ZNF292: variants seen among roughly 807,000 people sequenced by gnomAD.
The protein encoded by ZNF292 is zinc finger protein 292, also known as 16 zinc-finger domain protein.
Under a neutral mutation model 217.9 loss-of-function variants are expected in ZNF292, and 26 were observed. The observed-to-expected ratio is 0.12, with a 90% CI of 0.09 to 0.17. The LOEUF is 0.17. ZNF292 is among the 10% of genes least tolerant of loss of function. The pLI, the probability that ZNF292 is intolerant of heterozygous loss-of-function variation, is 1.00. For missense variants in ZNF292, 2,904 were observed against 3,175.2 expected (o/e 0.91, Z 2.05); for synonymous variants, 1,257 against 1,124.1 (o/e 1.12, Z -2.37).
intron 5 of ZNF292, among the ~76,000 whole-genome samples, chr6:87,236,969 A>G (rs1048420680): frequency 1.3e-5 from 2 of 152,152 alleles, no homozygotes; most frequent in African/African-American, 4.8e-5. Flanking sequence ...TGGTAGGGTA[A>G]ATTTCTGGAA....
chr6:87,172,021 C>T (rs1481080063), intron 1 of ZNF292, among the ~76,000 whole-genome samples: 2 of 152,180 alleles, frequency 1.3e-5, no homozygotes, highest in Admixed American at 6.5e-5. Flanking sequence ...TATCTGTTTG[C>T]AAATACTAAC....
chr6:87,261,234 G>A lies in ZNF292; in HGVS notation c.7605G>A (p.Lys2535=). The A allele has an allele frequency of 1.9e-6, 3 of 1,609,484 alleles. No homozygotes were observed. Among genetic ancestry groups the A allele is most frequent in the Non-Finnish European group, 2.5e-6 (3 of 1,178,704 alleles). The change falls in exon 8 of 8, where the codon AAG becomes AAA. Residue 2535 remains lysine (K), a synonymous_variant. Coordinates refer to ENST00000369577, the MANE Select transcript of ZNF292 (RefSeq NM_015021.3). ...QKASNLKRVN[K]EKNVSQNKKR... Reference sequence around the variant, plus strand: ...CAAGTAATTTGAAGAGAGTTAATAAGGAAAAAAATGTCTCACAAAATAAAA... The same window carrying A: ...CAAGTAATTTGAAGAGAGTTAATAAAGAAAAAAATGTCTCACAAAATAAAA...
intron 1 of ZNF292, among the ~76,000 whole-genome samples, chr6:87,201,528 C>G (rs527751960): frequency 7.2e-4 from 109 of 152,250 alleles, no homozygotes; most frequent in African/African-American, 2.6e-3. Context: ...CCTCAGCTTC[C>G]CGAGTGGCTG....
chr6:87,256,912 G>A lies in ZNF292; in HGVS notation c.3283G>A (p.Val1095Ile), dbSNP rs768827609. The change falls in exon 8 of 8, where the codon GTT becomes ATT. Residue 1095 changes from valine (V) to isoleucine (I), a missense_variant. Val to Ile is a conservative substitution (Grantham distance 29, BLOSUM62 3). Around this residue, in one of 15 missense-constraint regions of ZNF292, gnomAD observed 687 missense variants for 623.0 expected, o/e 1.10. Coordinates refer to ENST00000369577, the MANE Select transcript of ZNF292 (RefSeq NM_015021.3). ...GTPSVPPKAPVQKFSCQVEGC... is the reference protein window; with the variant it reads ...GTPSVPPKAPIQKFSCQVEGC... ...TCCATCAGTGCCTCCAAAAGCTCCA[G>A]TTCAGAAATTCAGCTGCCAGGTCGA... The A allele has an allele frequency of 1.2e-6, 2 of 1,613,822 alleles. No individual in the cohort carries two copies. Among genetic ancestry groups the A allele is most frequent in the South Asian group, 2.2e-5 (2 of 91,082 alleles).
At chr6:87,230,691 G>A (rs1445680541) in intron 4 of ZNF292, among the ~76,000 whole-genome samples, 8 of 150,726 alleles carry the variant, frequency 5.3e-5, no homozygotes, top group African/African-American at 1.2e-4. Context: ...CCGAGATTGC[G>A]CCACTGCACT....
chr6:87,239,757 C>T (rs370589742), intron 5 of ZNF292, among the ~76,000 whole-genome samples: 4 of 138,748 alleles, frequency 2.9e-5, no homozygotes, highest in Admixed American at 7.2e-5. Context: ...CCAGATGGGG[C>T]GGTGGGGCAG....
chr6:87,244,828 A>T (rs1028449055), intron 6 of ZNF292, among the ~76,000 whole-genome samples: 2 of 151,594 alleles, frequency 1.3e-5, no homozygotes, highest in South Asian at 2.1e-4. Flanking sequence ...GATTTTTTTT[A>T]TATATATATT....
Position 87,233,363 on chromosome 6 carries a change from G to A in ZNF292, c.577G>A (p.Asp193Asn), listed in dbSNP as rs775825086. The A allele has an allele frequency of 6.2e-7, 1 of 1,612,594 alleles. No individual in the cohort carries two copies. Among genetic ancestry groups the A allele is most frequent in the Non-Finnish European group, 8.5e-7 (1 of 1,179,346 alleles). The change falls in exon 5 of 8, where the codon GAT (aspartate) becomes AAT (asparagine). Residue 193 changes from aspartate to asparagine, a missense_variant. Physicochemically the swap from Asp to Asn is conservative, Grantham distance 23 (BLOSUM62 1). Around this residue, in one of 15 missense-constraint regions of ZNF292, gnomAD observed 313 missense variants for 451.0 expected, o/e 0.69. Transcript: ENST00000369577. ...FLAFEGPILL[D>N]MRIKHLIKTN... ...AGCTTTTGAGGGTCCCATCTTGTTGGATATGAGAATTAAACATCTAATCAA... is the reference window on the plus strand; with the variant it reads ...AGCTTTTGAGGGTCCCATCTTGTTGAATATGAGAATTAAACATCTAATCAA...
At chr6:87,214,547 A>T (rs1035071219) in intron 1 of ZNF292, among the ~76,000 whole-genome samples, 6 of 152,092 alleles carry the variant, frequency 3.9e-5, no homozygotes, top group Non-Finnish European at 8.8e-5. Context: ...ACGTTTTTCC[A>T]CTTCAACTTT....
At chr6:87,225,203 GGTT>G (rs756168361) in intron 4 of ZNF292, among the ~76,000 whole-genome samples, 6 of 152,030 alleles carry the variant, frequency 3.9e-5, no homozygotes, top group Admixed American at 2.0e-4. Context: ...TTCTTAATTG[GGTT>G]GTTTGTTTTC....
At chr6:87,232,245 C>A (rs1050654427) in intron 4 of ZNF292, among the ~76,000 whole-genome samples, 1 of 152,048 alleles carries the variant, frequency 6.6e-6, no homozygotes, top group African/African-American at 2.4e-5. Context: ...ATAGAAGAAT[C>A]TTTTCTATAG....
At position 87,262,201 on chromosome 6, in the gene ZNF292, G is replaced by A. The variant is rs948775976; in HGVS notation, c.*400G>A. ...AATCATGTGCTGCCACCAGCAGTCT[G>A]TAAGTCTAAACTATTAAATGACACA... is the stretch of plus-strand genomic sequence containing the variant. On this transcript the variant is annotated 3_prime_UTR_variant, in exon 8 of 8. Transcript: ENST00000369577. 1.3e-5 allele frequency: 2 copies of A among 152,954 alleles called. No homozygotes were observed. The highest frequency in any genetic ancestry group is 4.8e-5 in the African/African-American group (2 of 41,456). The allele number at this position is 152,954 out of a possible 1,614,324, so 9.5% of individuals were successfully genotyped here. A position where few individuals can be genotyped will look rare whatever the true frequency, so the allele number is the denominator to read the frequency against.
intron 1 of ZNF292, among the ~76,000 whole-genome samples, chr6:87,195,737 T>G (rs1771937126): frequency 6.6e-6 from 1 of 151,928 alleles, no homozygotes; most frequent in African/African-American, 2.4e-5. Flanking sequence ...TTAGAAAAAT[T>G]GAGAACTAGG....
chr6:87,231,584 A>G (rs1773659566), intron 4 of ZNF292, among the ~76,000 whole-genome samples: 1 of 152,194 alleles, frequency 6.6e-6, no homozygotes, highest in African/African-American at 2.4e-5. Flanking sequence ...TAAGAGACAA[A>G]CAAAAGCCTA....
rs1197030141 is a variant in ZNF292 at position 87,239,677 on chromosome 6, C to T, written c.742-3798C>T. On this transcript the variant is annotated intron_variant, in intron 5 of 7. Transcript: ENST00000369577. Reference sequence around the variant, plus strand: ...GGGGCTCCTCACTTCTCAGACGGGGCGGCTGCCGGGCGGAGGGGCTCCTCA... The same window carrying T: ...GGGGCTCCTCACTTCTCAGACGGGGTGGCTGCCGGGCGGAGGGGCTCCTCA... Among the ~76,000 whole-genome samples the T allele has an allele frequency of 1.3e-4, 9 of 69,026 alleles. 2 individuals are homozygous for T. The highest frequency in any genetic ancestry group is 8.8e-4 in the African/African-American group (8 of 9,074). The allele number at this position is 69,026 out of a possible 152,430, so 45.3% of individuals were successfully genotyped here. A position where few individuals can be genotyped will look rare whatever the true frequency, so the allele number is the denominator to read the frequency against.
chr6:87,213,093 G>T (rs1472564787), intron 1 of ZNF292, among the ~76,000 whole-genome samples: 2 of 152,180 alleles, frequency 1.3e-5, no homozygotes, highest in Admixed American at 1.3e-4. Context: ...GAGGAGGGTT[G>T]TAAATTATTT....
chr6:87,235,723 ACTTC>A (rs1446153100), intron 5 of ZNF292, among the ~76,000 whole-genome samples: 1 of 152,168 alleles, frequency 6.6e-6, no homozygotes, highest in East Asian at 1.9e-4. Flanking sequence ...GACCCTGGGT[ACTTC>A]CAGTGTCATA....
chr6:87,200,534 G>A (rs1772073708), intron 1 of ZNF292, among the ~76,000 whole-genome samples: 1 of 152,192 alleles, frequency 6.6e-6, no homozygotes, highest in African/African-American at 2.4e-5. Context: ...ACATGCTCGT[G>A]TTTTTCCAAG....
At chr6:87,182,101 A>T (rs955848385) in intron 1 of ZNF292, among the ~76,000 whole-genome samples, 7 of 152,198 alleles carry the variant, frequency 4.6e-5, no homozygotes, top group African/African-American at 1.7e-4. Flanking sequence ...TATACAGGGC[A>T]TATTTGGGTC....
Sources: gnomAD v4.1 joint callset for allele counts (sites outside exome capture counted in the v4.1 genomes callset) on GRCh38, gnomAD v4.1.1 for gene constraint, gnomAD v4.1.1 regional missense constraint, MANE v1.5 for transcripts, NCBI Gene and HGNC (gene_info 2026-07-23, HGNC 2026-07-21) for gene names.